ITGAM: variants seen among roughly 807,000 people sequenced by gnomAD.
ITGAM encodes the protein integrin alpha-M.
In ITGAM, 79 loss-of-function variants were observed where a neutral mutation model predicts 137.5. That is an observed-to-expected ratio of 0.57 (90% confidence interval 0.48 to 0.69). The LOEUF is 0.69. ITGAM is among the 30% of genes least tolerant of loss of function. The pLI is 0.00. For missense variants in ITGAM, 1,343 were observed against 1,483.5 expected (o/e 0.91, Z 1.56); for synonymous variants, 583 against 592.3 (o/e 0.98, Z 0.23).
Position 31,297,516 on chromosome 16 carries a change from C to T in ITGAM, c.1359C>T (p.Ile453=), listed in dbSNP as rs371892089. 61 of 1,612,008 alleles carry T rather than the reference C, an allele frequency of 3.8e-5. No individual in the cohort carries two copies. In the African/African-American group the frequency reaches 4.4e-4, roughly 12 times the overall value. ...GATTACGGTCCTGTCTCTTTCAGATCGGCGCCTACTTCGGGGCCTCCCTCT... is the reference window on the plus strand; with the variant it reads ...GATTACGGTCCTGTCTCTTTCAGATTGGCGCCTACTTCGGGGCCTCCCTCT... ...ESNANVKGTQ[I]GAYFGASLCS... Residue 453 remains isoleucine (I), a splice_region_variant and synonymous_variant, in exon 13 of 30, where the codon ATC becomes ATT. Coordinates refer to ENST00000544665, the MANE Select transcript of ITGAM (RefSeq NM_000632.4).
chr16:31,322,730 C>A (rs952487732), intron 16 of ITGAM, among the ~76,000 whole-genome samples: 1 of 152,198 alleles, frequency 6.6e-6, no homozygotes. Flanking sequence ...TAATTAATAT[C>A]TTCAAGAAAA....
chr16:31,328,070 G>GA lies in ITGAM; in HGVS notation c.2709-77_2709-76insA, dbSNP rs373336780. ...AGAACTTGGTGGCTGATTGGAGGCA[G>GA]GGAGTGAGGGAGAGGGAGGAGCAAA... On this transcript the variant is annotated intron_variant, in intron 22 of 29. Transcript: ENST00000544665. The GA allele has an allele frequency of 2.4e-5, 26 of 1,086,976 alleles. No individual in the cohort carries two copies. In the African/African-American group the frequency reaches 3.7e-4, roughly 15 times the overall value. 67.3% of individuals were successfully genotyped at this position (1,086,976 alleles called of 1,614,324 possible). A position where few individuals can be genotyped will look rare whatever the true frequency, so the allele number is the denominator to read the frequency against.
intron 5 of ITGAM, among the ~76,000 whole-genome samples, chr16:31,267,361 C>T (rs1398473685): frequency 6.6e-6 from 1 of 152,120 alleles, no homozygotes; most frequent in Non-Finnish European, 1.5e-5. Flanking sequence ...AATCCTCCTT[C>T]CTCCACAGAG....
intron 5 of ITGAM, 81 bp downstream of exon 5, chr16:31,266,228 G>A (rs2079766268): frequency 1.0e-6 from 1 of 962,406 alleles, no homozygotes; most frequent in South Asian, 1.4e-5. Context: ...GTCTGCTCAA[G>A]GTCTGGGCTC....
chr16:31,275,760 A>G (rs2079900354), intron 9 of ITGAM, 61 bp downstream of exon 9: 1 of 1,562,148 alleles, frequency 6.4e-7, no homozygotes, highest in Non-Finnish European at 8.8e-7. Flanking sequence ...CCCAGAACAT[A>G]GTCCCCTCTA....
chr16:31,329,990 G>A, intron 25 of ITGAM, 85 bp downstream of exon 25: 1 of 1,535,628 alleles, frequency 6.5e-7, no homozygotes, highest in Non-Finnish European at 8.9e-7. Context: ...GAGCCGCTCC[G>A]CCCCTCTCCT....
chr16:31,272,838 G>T (rs1448492574), intron 7 of ITGAM, among the ~76,000 whole-genome samples: 1 of 151,758 alleles, frequency 6.6e-6, no homozygotes, highest in Non-Finnish European at 1.5e-5. Context: ...TTATGCGAAA[G>T]TATAAAAACA....
At chr16:31,293,786 G>A (rs1272119287) in intron 12 of ITGAM, among the ~76,000 whole-genome samples, 1 of 152,140 alleles carries the variant, frequency 6.6e-6, no homozygotes, top group Non-Finnish European at 1.5e-5. Flanking sequence ...GTCATTGGTA[G>A]CTTAATAGTA....
chr16:31,292,191 T>C (rs1013931237), intron 12 of ITGAM, among the ~76,000 whole-genome samples: 5 of 152,118 alleles, frequency 3.3e-5, no homozygotes, highest in Non-Finnish European at 4.4e-5. Context: ...AGAATCTTGA[T>C]ACATACCATT....
chr16:31,277,319 AG>A (rs2079918495), intron 11 of ITGAM, among the ~76,000 whole-genome samples: 1 of 150,736 alleles, frequency 6.6e-6, no homozygotes, highest in Admixed American at 6.6e-5. Context: ...CAGTCTCCTG[AG>A]TAGCTGGTAT....
At chr16:31,318,181 A>G in intron 14 of ITGAM, among the ~76,000 whole-genome samples, 1 of 152,132 alleles carries the variant, frequency 6.6e-6, no homozygotes, top group Admixed American at 6.6e-5. Context: ...CCATTCCTTC[A>G]AGGTTATCAA....
intron 21 of ITGAM, among the ~76,000 whole-genome samples, chr16:31,326,602 A>G (rs2080510679): frequency 6.6e-6 from 1 of 151,960 alleles, no homozygotes; most frequent in African/African-American, 2.4e-5. Context: ...TTTTTAGTAG[A>G]TACAGGGTTT....
intron 14 of ITGAM, among the ~76,000 whole-genome samples, chr16:31,316,086 C>T (rs1264766740): frequency 4.7e-5 from 1 of 21,428 alleles, no homozygotes; most frequent in African/African-American, 3.7e-4. Flanking sequence ...CCCAGCTACT[C>T]GGGAGGCTGA....
intron 12 of ITGAM, among the ~76,000 whole-genome samples, chr16:31,290,454 C>T (rs1597001703): frequency 6.6e-6 from 1 of 152,156 alleles, no homozygotes; most frequent in East Asian, 1.9e-4. Context: ...ATGTGATTCA[C>T]CATAACAGCA....
chr16:31,303,935 G>A (rs999019303), intron 14 of ITGAM, among the ~76,000 whole-genome samples: 1 of 152,136 alleles, frequency 6.6e-6, no homozygotes, highest in Non-Finnish European at 1.5e-5. Context: ...GCATGTTCAT[G>A]TATCTTTTTC....
intron 14 of ITGAM, among the ~76,000 whole-genome samples, chr16:31,302,456 TTC>T (rs1304099291): frequency 0.042 from 4,457 of 106,872 alleles, 177 homozygotes; most frequent in African/African-American, 0.11. Flanking sequence ...TCTTTCTTCC[TTC>T]CTTTCTTTCT....
At chr16:31,270,126 C>CTCCT (rs1567248241) in intron 5 of ITGAM, among the ~76,000 whole-genome samples, 2 of 117,570 alleles carry the variant, frequency 1.7e-5, no homozygotes, top group African/African-American at 3.4e-5. Context: ...TCCTTCCTTC[C>CTCCT]TTCCTCCTTT....
At chr16:31,299,288 C>G (rs1430484364) in intron 14 of ITGAM, among the ~76,000 whole-genome samples, 1 of 152,082 alleles carries the variant, frequency 6.6e-6, no homozygotes, top group Non-Finnish European at 1.5e-5. Context: ...ATATTCTTTG[C>G]TTCAATGAGT....
intron 2 of ITGAM, among the ~76,000 whole-genome samples, chr16:31,262,243 C>CTTCCTTCCTTCCTTCCTTCT (rs1413726307): frequency 1.4e-4 from 20 of 147,998 alleles, no homozygotes; most frequent in Non-Finnish European, 2.9e-4. Context: ...CCCTTCCTCC[C>CTTCCTTCCTTCCTTCCTTCT]TTCCTTCCTT....
Sources: allele counts gnomAD v4.1 joint callset (sites outside exome capture counted in the v4.1 genomes callset), GRCh38; gene constraint gnomAD v4.1.1; transcripts MANE v1.5; gene names NCBI Gene and HGNC (gene_info 2026-07-23, HGNC 2026-07-21).